The following NEGR1 variants were observed in gnomAD, a reference collection of about 807,000 sequenced individuals.
The protein encoded by NEGR1 is neuronal growth regulator 1.
In NEGR1, 10 loss-of-function variants were observed where a neutral mutation model predicts 40.9. That is an observed-to-expected ratio of 0.24 (90% CI 0.15 to 0.42). The LOEUF is 0.42. Among genes scored for constraint, NEGR1 ranks in the 10% least tolerant of loss-of-function variants. The pLI is 1.00. For missense variants in NEGR1, 352 were observed against 438.9 expected, an observed-to-expected ratio of 0.80 and a Z score of 1.77; for synonymous variants, 185 against 166.8, an observed-to-expected ratio of 1.11 and a Z score of -0.84.
intron 1 of NEGR1, among the ~76,000 whole-genome samples, chr1:72,045,391 C>T (rs1375246999): frequency 6.6e-6 from 1 of 151,606 alleles, no homozygotes; most frequent in Non-Finnish European, 1.5e-5. Context: ...GCTCTGTGTC[C>T]CCACCCAAAC....
At chr1:71,497,129 T>C (rs1003432880) in intron 6 of NEGR1, among the ~76,000 whole-genome samples, 3 of 152,162 alleles carry the variant, frequency 2.0e-5, no homozygotes, top group African/African-American at 2.4e-5. Context: ...CAGTACAAAA[T>C]GCATTTCTAG....
At chr1:72,065,977 C>T (rs1417565057) in intron 1 of NEGR1, among the ~76,000 whole-genome samples, 3 of 152,090 alleles carry the variant, frequency 2.0e-5, no homozygotes. Context: ...ATTTAACCAA[C>T]TTGCAATTAA....
At chr1:71,540,913 C>T (rs1647670929) in intron 6 of NEGR1, among the ~76,000 whole-genome samples, 1 of 151,548 alleles carries the variant, frequency 6.6e-6, no homozygotes, top group African/African-American at 2.4e-5. Context: ...GACACATCAT[C>T]ACATGGTGAG....
chr1:71,705,519 A>G (rs928436027), intron 3 of NEGR1, among the ~76,000 whole-genome samples: 4 of 152,214 alleles, frequency 2.6e-5, no homozygotes, highest in Non-Finnish European at 5.9e-5. Flanking sequence ...TTCAGAATGT[A>G]TAACAAATTT....
chr1:72,074,927 C>T (rs1177843258), intron 1 of NEGR1, among the ~76,000 whole-genome samples: 1 of 151,988 alleles, frequency 6.6e-6, no homozygotes, highest in Non-Finnish European at 1.5e-5. Context: ...AGGTGGGAAT[C>T]GTTTTCAGCA....
At chr1:71,835,491 T>A (rs894879143) in intron 2 of NEGR1, among the ~76,000 whole-genome samples, 1 of 152,140 alleles carries the variant, frequency 6.6e-6, no homozygotes, top group Non-Finnish European at 1.5e-5. Flanking sequence ...TACTTCCTTA[T>A]TATACTTTTT....
chr1:72,140,456 A>G (rs760006102), intron 1 of NEGR1, among the ~76,000 whole-genome samples: 8 of 151,962 alleles, frequency 5.3e-5, no homozygotes, highest in Non-Finnish European at 1.2e-4. Context: ...AAGAAAGGGC[A>G]AGAAAGAGCA....
intron 1 of NEGR1, among the ~76,000 whole-genome samples, chr1:72,112,147 C>CAA (rs1649396237): frequency 6.6e-6 from 1 of 151,140 alleles, no homozygotes; most frequent in African/African-American, 2.4e-5. Flanking sequence ...ATAAAGAAAC[C>CAA]TATTTAATTT....
intron 1 of NEGR1, among the ~76,000 whole-genome samples, chr1:72,112,040 A>T (rs1033959434): frequency 7.0e-6 from 1 of 142,216 alleles, no homozygotes; most frequent in African/African-American, 2.5e-5. Context: ...ATGGGACAGA[A>T]TTGTTAATAT....
chr1:71,882,946 C>A (rs911831280), intron 2 of NEGR1, among the ~76,000 whole-genome samples: 1 of 152,062 alleles, frequency 6.6e-6, no homozygotes, highest in Non-Finnish European at 1.5e-5. Flanking sequence ...ATGTAAAATA[C>A]CTGGCATGGG....
At chr1:72,003,327 G>C (rs570339880) in intron 1 of NEGR1, among the ~76,000 whole-genome samples, 1 of 151,866 alleles carries the variant, frequency 6.6e-6, no homozygotes, top group East Asian at 1.9e-4. Context: ...CTAAGCTCAA[G>C]CTGAAGCAGC....
chr1:71,947,086 TCATA>T (rs1248510833), intron 1 of NEGR1, among the ~76,000 whole-genome samples: 5 of 102,114 alleles, frequency 4.9e-5, no homozygotes, highest in South Asian at 3.7e-4. Flanking sequence ...AGATCCTGTC[TCATA>T]CACACACACA....
chr1:71,600,288 G>A (rs1022724748), intron 5 of NEGR1, among the ~76,000 whole-genome samples: 1 of 152,158 alleles, frequency 6.6e-6, no homozygotes, highest in African/African-American at 2.4e-5. Flanking sequence ...TAAGCGTTGG[G>A]GACATGATAG....
chr1:71,728,437 C>T (rs190387764), intron 3 of NEGR1, among the ~76,000 whole-genome samples: 7 of 152,230 alleles, frequency 4.6e-5, no homozygotes, highest in Admixed American at 4.6e-4. Context: ...ACTCCCATCT[C>T]ATGACAAACT....
chr1:71,766,187 A>C (rs990863466), intron 3 of NEGR1, among the ~76,000 whole-genome samples: 1 of 151,836 alleles, frequency 6.6e-6, no homozygotes, highest in East Asian at 1.9e-4. Context: ...AAAAAAAAAA[A>C]AAAGAAGAGA....
At chr1:72,134,126 A>G (rs1408101343) in intron 1 of NEGR1, among the ~76,000 whole-genome samples, 1 of 152,048 alleles carries the variant, frequency 6.6e-6, no homozygotes, top group Non-Finnish European at 1.5e-5. Context: ...TTTTATTGAA[A>G]GATGTATTTA....
chr1:71,864,957 T>G (rs1398199156), intron 2 of NEGR1, among the ~76,000 whole-genome samples: 1 of 152,156 alleles, frequency 6.6e-6, no homozygotes, highest in Non-Finnish European at 1.5e-5. Context: ...AGGGAATGTA[T>G]AGGCTATTTT....
intron 1 of NEGR1, among the ~76,000 whole-genome samples, chr1:72,094,387 A>G (rs1025768732): frequency 6.6e-6 from 1 of 152,162 alleles, no homozygotes; most frequent in Admixed American, 6.6e-5. Flanking sequence ...AACTTGTGCA[A>G]AGGCCCTGAA....
At chr1:71,568,838 G>A (rs1337720570) in intron 6 of NEGR1, among the ~76,000 whole-genome samples, 2,788 of 149,068 alleles carry the variant, frequency 0.019, 80 homozygotes, top group African/African-American at 0.063. Flanking sequence ...ACGTGTGTGT[G>A]TGTGTGTGTG....
Sources: allele counts gnomAD v4.1 joint callset (sites outside exome capture counted in the v4.1 genomes callset), GRCh38; gene constraint gnomAD v4.1.1; transcripts MANE v1.5; gene names NCBI Gene and HGNC (gene_info 2026-07-23, HGNC 2026-07-21).